NDUFAF2: variants seen among roughly 807,000 people sequenced by gnomAD.
NDUFAF2 encodes NADH dehydrogenase [ubiquinone] 1 alpha subcomplex assembly factor 2.
NDUFAF2 carries 13 observed loss-of-function variants against 22.8 expected under a neutral mutation model. The ratio of observed to expected loss-of-function variants is 0.57; its 90% CI spans 0.37 to 0.91. The LOEUF is 0.91. NDUFAF2 is among the 40% of genes least tolerant of loss of function. The pLI, the probability that NDUFAF2 is intolerant of heterozygous loss-of-function variation, is 0.01. For synonymous variants in NDUFAF2, 53 were observed against 64.2 expected (o/e 0.83, Z 0.84); for missense variants, 162 against 195.2 (o/e 0.83, Z 1.01).
intron 3 of NDUFAF2, among the ~76,000 whole-genome samples, chr5:61,145,438 A>C (rs1372217114): frequency 1.3e-5 from 2 of 152,208 alleles, no homozygotes; most frequent in African/African-American, 4.8e-5. Context: ...AAAATATATA[A>C]ATTCAAACAT....
At chr5:61,010,843 G>A (rs1033414261) in intron 1 of NDUFAF2, among the ~76,000 whole-genome samples, 1 of 152,126 alleles carries the variant, frequency 6.6e-6, no homozygotes, top group Admixed American at 6.6e-5. Context: ...TATATGTTGA[G>A]TATGACTTCT....
intron 1 of NDUFAF2, among the ~76,000 whole-genome samples, chr5:60,955,919 G>GTT (rs201647934): frequency 8.0e-4 from 115 of 143,966 alleles, no homozygotes; most frequent in South Asian, 3.1e-3. Context: ...TGTTGACTTT[G>GTT]TTTTTTTTTT....
rs796519999 is a variant in NDUFAF2, at chr5:61,086,655, A to ATT, written c.218-12337_218-12336insTT. Among the ~76,000 whole-genome samples the ATT allele has an allele frequency of 5.9e-5, 9 of 152,314 alleles. No homozygotes were observed. The East Asian group carries it at 1.5e-3, about 26-fold the overall frequency. On this transcript the variant is annotated intron_variant, in intron 2 of 3. Coordinates refer to ENST00000296597, the MANE Select transcript of NDUFAF2 (RefSeq NM_174889.5). ...TGGGATTTATCACAGACCTAAATAT[A>ATT]AAGCTAAAACTAATAAACTTTTAGA...
At chr5:61,101,118 T>G (rs1476349556) in intron 3 of NDUFAF2, among the ~76,000 whole-genome samples, 1 of 152,138 alleles carries the variant, frequency 6.6e-6, no homozygotes, top group Non-Finnish European at 1.5e-5. Context: ...TACATCATAT[T>G]AAGAGGAAAA....
intron 1 of NDUFAF2, among the ~76,000 whole-genome samples, chr5:61,022,298 A>G (rs1395037172): frequency 6.6e-6 from 1 of 152,140 alleles, no homozygotes. Context: ...TTCTCGTAAC[A>G]TATTCTTGCA....
At chr5:60,962,223 C>T (rs1025077852) in intron 1 of NDUFAF2, among the ~76,000 whole-genome samples, 1 of 151,098 alleles carries the variant, frequency 6.6e-6, no homozygotes, top group African/African-American at 2.4e-5. Context: ...GGTTTTCTGA[C>T]AAAACTATGA....
intron 3 of NDUFAF2, among the ~76,000 whole-genome samples, chr5:61,111,742 C>T (rs955538973): frequency 6.6e-6 from 1 of 151,908 alleles, no homozygotes; most frequent in Non-Finnish European, 1.5e-5. Context: ...CCTCAGCCTC[C>T]TGAGTAGCTG....
At chr5:60,985,556 A>G (rs1751061932) in intron 1 of NDUFAF2, among the ~76,000 whole-genome samples, 1 of 152,136 alleles carries the variant, frequency 6.6e-6, no homozygotes, top group Non-Finnish European at 1.5e-5. Context: ...CCGTCTACAC[A>G]CTGCTTTAAA....
At chr5:61,115,163 G>A (rs551789829) in intron 3 of NDUFAF2, 8 of 152,646 alleles carry the variant, frequency 5.2e-5, no homozygotes, top group Admixed American at 5.2e-4. Flanking sequence ...CTTTCCACAA[G>A]CTAAGGAGTT....
intron 1 of NDUFAF2, among the ~76,000 whole-genome samples, chr5:60,970,121 TTATATCTC>T (rs1750808671): frequency 6.6e-6 from 1 of 152,102 alleles, no homozygotes; most frequent in African/African-American, 2.4e-5. Context: ...ATTTTGGTTA[TTATATCTC>T]TGTAGTATAA....
intron 1 of NDUFAF2, among the ~76,000 whole-genome samples, chr5:60,974,142 A>C (rs115996335): frequency 7.6e-4 from 116 of 152,332 alleles, no homozygotes; most frequent in African/African-American, 2.7e-3. Flanking sequence ...CCAGGTGGGC[A>C]CCATCTAATC....
chr5:61,062,156 A>G lies in NDUFAF2; in HGVS notation c.128-10969A>G, dbSNP rs555803455. Among the ~76,000 whole-genome samples the G allele has an allele frequency of 2.0e-5, 3 of 152,292 alleles. No individual in the cohort carries two copies. In the East Asian group the frequency reaches 5.8e-4, roughly 29 times the overall value. ...ACACAGATACACAAGAAACATGGAA[A>G]AGCAAGGAAATATGACACCACTACA... On this transcript the variant is annotated intron_variant, in intron 1 of 3. Coordinates refer to ENST00000296597, the MANE Select transcript of NDUFAF2 (RefSeq NM_174889.5).
chr5:61,082,130 GA>G (rs749699301), intron 2 of NDUFAF2, among the ~76,000 whole-genome samples: 1 of 151,948 alleles, frequency 6.6e-6, no homozygotes, highest in Non-Finnish European at 1.5e-5. Context: ...ATTCACAGGA[GA>G]AAAAAAATGT....
intron 3 of NDUFAF2, among the ~76,000 whole-genome samples, chr5:61,103,612 A>AT (rs1358283976): frequency 5.9e-5 from 9 of 152,014 alleles, no homozygotes; most frequent in African/African-American, 2.2e-4. Context: ...TATTGGTTTC[A>AT]TTGGCCATTA....
At chr5:61,131,358 G>C (rs1579846867) in intron 3 of NDUFAF2, among the ~76,000 whole-genome samples, 1 of 151,658 alleles carries the variant, frequency 6.6e-6, no homozygotes, top group Non-Finnish European at 1.5e-5. Context: ...TTGTTTTTTT[G>C]GGGGGTTTTT....
chr5:61,104,027 T>C (rs963186782), intron 3 of NDUFAF2, among the ~76,000 whole-genome samples: 6 of 152,126 alleles, frequency 3.9e-5, no homozygotes, highest in African/African-American at 1.4e-4. Context: ...TCTGAGCATG[T>C]TTAAGACAGG....
At chr5:61,124,427 T>A (rs1579842882) in intron 3 of NDUFAF2, among the ~76,000 whole-genome samples, 1 of 152,166 alleles carries the variant, frequency 6.6e-6, no homozygotes, top group East Asian at 1.9e-4. Context: ...ATGGAAAGAT[T>A]TCTATTTTGG....
intron 2 of NDUFAF2, among the ~76,000 whole-genome samples, chr5:61,092,422 AT>A (rs1365145402): frequency 1.3e-5 from 2 of 151,760 alleles, no homozygotes; most frequent in African/African-American, 4.8e-5. Context: ...CCTTATCGAG[AT>A]CTTTCACCTC....
chr5:61,110,231 C>T (rs1245411221), intron 3 of NDUFAF2, among the ~76,000 whole-genome samples: 1 of 151,088 alleles, frequency 6.6e-6, no homozygotes, highest in East Asian at 1.9e-4. Flanking sequence ...CATCAGTGTT[C>T]ATCAGGGATA....
Sources: gnomAD v4.1 joint callset for allele counts (sites outside exome capture counted in the v4.1 genomes callset) on GRCh38, gnomAD v4.1.1 for gene constraint, MANE v1.5 for transcripts, NCBI Gene and HGNC (gene_info 2026-07-23, HGNC 2026-07-21) for gene names.